COP1: variants seen among roughly 807,000 people sequenced by gnomAD.
The protein encoded by COP1 is COP1 E3 ubiquitin ligase.
Under a neutral mutation model 101.3 loss-of-function variants are expected in COP1, and 24 were observed. The observed-to-expected ratio is 0.24, with a 90% CI of 0.17 to 0.33. The LOEUF (loss-of-function observed/expected upper bound fraction) is 0.33, where lower values mean the gene tolerates loss of function less well. Among genes scored for constraint, COP1 ranks in the 10% least tolerant of loss-of-function variants. COP1 has a pLI of 1.00. For missense variants in COP1, 663 were observed against 906.2 expected, an observed-to-expected ratio of 0.73 and a Z score of 3.45; for synonymous variants, 347 against 341.9, an observed-to-expected ratio of 1.01 and a Z score of -0.17.
intron 11 of COP1, among the ~76,000 whole-genome samples, chr1:176,056,932 TAA>T (rs891402254): frequency 7.9e-5 from 12 of 152,214 alleles, no homozygotes; most frequent in African/African-American, 2.9e-4. Context: ...GAGCAAAGGA[TAA>T]AGTTATTTTT....
chr1:176,118,733 G>A (rs926541167), intron 8 of COP1, among the ~76,000 whole-genome samples: 1 of 152,150 alleles, frequency 6.6e-6, no homozygotes, highest in Non-Finnish European at 1.5e-5. Context: ...GCCTGGGCAA[G>A]AGAGAGGCCC....
chr1:175,985,362 T>G (rs1656855651), intron 18 of COP1, among the ~76,000 whole-genome samples: 1 of 152,220 alleles, frequency 6.6e-6, no homozygotes, highest in Non-Finnish European at 1.5e-5. Context: ...AATAAAGCAC[T>G]TAGATGATCT....
intron 15 of COP1, among the ~76,000 whole-genome samples, chr1:175,997,642 GA>G (rs1660511296): frequency 6.6e-6 from 1 of 152,126 alleles, no homozygotes; most frequent in Non-Finnish European, 1.5e-5. Context: ...AAAAACACAT[GA>G]AAAAATGCTC....
chr1:176,009,877 TGGG>T (rs5778885), intron 15 of COP1, among the ~76,000 whole-genome samples: 40 of 103,556 alleles, frequency 3.9e-4, no homozygotes, highest in East Asian at 8.0e-4. Flanking sequence ...TTAGGTTACT[TGGG>T]GGGGGGGGGT....
At chr1:176,107,551 T>A (rs1684525388) in intron 9 of COP1, among the ~76,000 whole-genome samples, 1 of 152,084 alleles carries the variant, frequency 6.6e-6, no homozygotes. Flanking sequence ...TGACCCAGGA[T>A]TCCACAACAA....
intron 9 of COP1, among the ~76,000 whole-genome samples, chr1:176,107,629 T>C (rs1161696802): frequency 1.3e-5 from 2 of 152,108 alleles, no homozygotes; most frequent in Admixed American, 6.6e-5. Context: ...AAATCATCAT[T>C]TGGACAACTA....
intron 6 of COP1, among the ~76,000 whole-genome samples, chr1:176,144,611 T>G (rs1206521169): frequency 6.6e-6 from 1 of 152,026 alleles, no homozygotes; most frequent in Non-Finnish European, 1.5e-5. Flanking sequence ...GCCAGGAATA[T>G]CCCAGACTTT....
At chr1:176,074,304 T>C (rs149315922) in intron 11 of COP1, among the ~76,000 whole-genome samples, 1 of 152,302 alleles carries the variant, frequency 6.6e-6, no homozygotes, top group Non-Finnish European at 1.5e-5. Flanking sequence ...AGTAAATTTA[T>C]TATCAATGAT....
intron 18 of COP1, among the ~76,000 whole-genome samples, chr1:175,955,237 T>C (rs1205218163): frequency 6.6e-6 from 1 of 152,020 alleles, no homozygotes; most frequent in Non-Finnish European, 1.5e-5. Context: ...AGTGAGACCC[T>C]GCCTCAAAAC....
intron 18 of COP1, chr1:175,968,600 C>A: frequency 2.3e-6 from 1 of 439,958 alleles, no homozygotes; most frequent in South Asian, 1.7e-5. Context: ...TTCCAATTAA[C>A]TAACTGCATC....
chr1:176,144,500 C>A (rs1159345309), intron 6 of COP1, among the ~76,000 whole-genome samples: 1 of 152,086 alleles, frequency 6.6e-6, no homozygotes, highest in African/African-American at 2.4e-5. Context: ...AATACACAGT[C>A]TCCCAGATTT....
intron 2 of COP1, among the ~76,000 whole-genome samples, chr1:176,180,898 T>C (rs1036432421): frequency 2.0e-5 from 3 of 152,310 alleles, no homozygotes; most frequent in Admixed American, 6.5e-5. Flanking sequence ...TCAGGCTTGA[T>C]CACCCACATG....
intron 9 of COP1, among the ~76,000 whole-genome samples, chr1:176,111,055 G>A (rs1685195220): frequency 6.6e-6 from 1 of 152,058 alleles, no homozygotes; most frequent in Non-Finnish European, 1.5e-5. Flanking sequence ...GGGAGGCTGA[G>A]GCAGGAGAAT....
At chr1:176,193,335 T>C (rs1235142382) in intron 1 of COP1, among the ~76,000 whole-genome samples, 1 of 152,138 alleles carries the variant, frequency 6.6e-6, no homozygotes. Flanking sequence ...AATAAAGTAA[T>C]GCAGCTACTA....
chr1:175,961,111 C>T (rs914608710), intron 18 of COP1, among the ~76,000 whole-genome samples: 1 of 152,202 alleles, frequency 6.6e-6, no homozygotes, highest in African/African-American at 2.4e-5. Flanking sequence ...TCAATGGGCC[C>T]TCAAATTCTC....
intron 9 of COP1, among the ~76,000 whole-genome samples, chr1:176,110,548 C>T (rs1685101929): frequency 6.6e-6 from 1 of 152,176 alleles, no homozygotes; most frequent in Non-Finnish European, 1.5e-5. Context: ...ATCTTACCAA[C>T]TAGATTGGAA....
rs568275657 is a variant in COP1 at position 175,994,499 on chromosome 1, C to T, written c.1730-5020G>A. Among the ~76,000 whole-genome samples the T allele has an allele frequency of 1.7e-3, 266 of 152,252 alleles. 2 individuals carry two copies. The highest frequency in any genetic ancestry group is 3.0e-3 in the Non-Finnish European group (201 of 68,018). ...ATCAGTGTGCTGTATTCAGGAAACCCGTCTCACGTGCAGAGACACACATAG... is the reference window on the plus strand; with the variant it reads ...ATCAGTGTGCTGTATTCAGGAAACCTGTCTCACGTGCAGAGACACACATAG... On this transcript the variant is annotated intron_variant, in intron 15 of 19. Transcript: ENST00000367669.
chr1:176,160,283 T>TTA (rs1694112951), intron 5 of COP1: 1 of 278,930 alleles, frequency 3.6e-6, no homozygotes, highest in South Asian at 2.6e-5. Flanking sequence ...TTTTTTTTTT[T>TTA]ACTTTAAGTT....
At chr1:175,993,756 A>C (rs1272964447) in intron 15 of COP1, among the ~76,000 whole-genome samples, 1 of 152,220 alleles carries the variant, frequency 6.6e-6, no homozygotes, top group East Asian at 1.9e-4. Flanking sequence ...AAAAGACCAA[A>C]TCTACGTCTG....
Sources: gnomAD v4.1 joint callset for allele counts (sites outside exome capture counted in the v4.1 genomes callset) on GRCh38, gnomAD v4.1.1 for gene constraint, MANE v1.5 for transcripts, NCBI Gene and HGNC (gene_info 2026-07-23, HGNC 2026-07-21) for gene names.